SUCLG2: variants seen among roughly 807,000 people sequenced by gnomAD.
SUCLG2 encodes succinate-CoA ligase GDP-forming subunit beta.
In SUCLG2, 42 loss-of-function variants were observed where a neutral mutation model predicts 47.9. The ratio of observed to expected loss-of-function variants is 0.88; its 90% CI spans 0.69 to 1.14. The LOEUF (loss-of-function observed/expected upper bound fraction) is 1.14. Ranked by LOEUF, SUCLG2 falls within the 50% of genes most tolerant of loss-of-function variation. The pLI, the probability that SUCLG2 is intolerant of heterozygous loss-of-function variation, is 0.00. For missense variants in SUCLG2, 571 were observed against 525.9 expected (o/e 1.09, Z -0.84); for synonymous variants, 195 against 197.3 (o/e 0.99, Z 0.10).
intron 9 of SUCLG2, among the ~76,000 whole-genome samples, chr3:67,455,264 A>G (rs1704156708): frequency 1.3e-5 from 2 of 152,214 alleles, no homozygotes; most frequent in South Asian, 4.1e-4. Flanking sequence ...TAAGGCAAAA[A>G]GGACATTGTA....
chr3:67,481,626 C>G (rs1291133895), intron 9 of SUCLG2, among the ~76,000 whole-genome samples: 1 of 152,182 alleles, frequency 6.6e-6, no homozygotes, highest in Non-Finnish European at 1.5e-5. Flanking sequence ...CCTTCACAGA[C>G]AAATCTCAGT....
chr3:67,649,656 A>C (rs891195656), intron 1 of SUCLG2, among the ~76,000 whole-genome samples: 6 of 152,012 alleles, frequency 3.9e-5, no homozygotes, highest in Non-Finnish European at 7.4e-5. Flanking sequence ...CATCACCTCC[A>C]CCTTCCTCAC....
At chr3:67,403,871 T>G (rs925003999) in intron 9 of SUCLG2, among the ~76,000 whole-genome samples, 1 of 152,092 alleles carries the variant, frequency 6.6e-6, no homozygotes, top group African/African-American at 2.4e-5. Context: ...GATCCTCTTA[T>G]TTCTTCCTTT....
At chr3:67,390,920 A>G (rs989579493) in intron 10 of SUCLG2, among the ~76,000 whole-genome samples, 3 of 152,148 alleles carry the variant, frequency 2.0e-5, no homozygotes, top group African/African-American at 7.2e-5. Flanking sequence ...GCAAACTTCT[A>G]TGTCTCAGAT....
At chr3:67,547,904 C>T (rs796312167) in intron 2 of SUCLG2, among the ~76,000 whole-genome samples, 7 of 152,146 alleles carry the variant, frequency 4.6e-5, no homozygotes, top group Non-Finnish European at 7.3e-5. Flanking sequence ...ACACCCCTTA[C>T]ACCGCCTCCA....
intron 9 of SUCLG2, among the ~76,000 whole-genome samples, chr3:67,433,038 T>C (rs1003746756): frequency 6.6e-6 from 1 of 152,210 alleles, no homozygotes; most frequent in Admixed American, 6.5e-5. Context: ...TATCTTGTTA[T>C]GCTGTACTGT....
At chr3:67,383,037 CAG>C (rs1339800413) in intron 10 of SUCLG2, among the ~76,000 whole-genome samples, 1 of 152,126 alleles carries the variant, frequency 6.6e-6, no homozygotes, top group Admixed American at 6.5e-5. Context: ...ATGTCAGAAA[CAG>C]AATAATTCAT....
intron 9 of SUCLG2, among the ~76,000 whole-genome samples, chr3:67,455,832 G>A (rs76310656): frequency 4.6e-5 from 7 of 152,036 alleles, no homozygotes; most frequent in South Asian, 2.1e-4. Context: ...TTTCAATCCC[G>A]GCAAGAACAC....
intron 9 of SUCLG2, among the ~76,000 whole-genome samples, chr3:67,402,422 A>G (rs967049594): frequency 2.0e-5 from 3 of 152,246 alleles, no homozygotes; most frequent in African/African-American, 7.2e-5. Context: ...AATCAAAGAA[A>G]TGAACAATAT....
intron 1 of SUCLG2, among the ~76,000 whole-genome samples, chr3:67,634,968 A>C (rs1320553948): frequency 6.6e-6 from 1 of 152,210 alleles, no homozygotes; most frequent in Non-Finnish European, 1.5e-5. Flanking sequence ...CTCAACTGTA[A>C]AACAAGAATA....
chr3:67,390,759 A>T (rs1433111943), intron 10 of SUCLG2, among the ~76,000 whole-genome samples: 1 of 152,134 alleles, frequency 6.6e-6, no homozygotes, highest in African/African-American at 2.4e-5. Context: ...ACATTTATTG[A>T]CAGCTCTATA....
At chr3:67,420,993 GGT>G (rs1703144451) in intron 9 of SUCLG2, among the ~76,000 whole-genome samples, 1 of 151,988 alleles carries the variant, frequency 6.6e-6, no homozygotes, top group Non-Finnish European at 1.5e-5. Context: ...TTTTATTAAG[GGT>G]GTTAGTCTGT....
chr3:67,466,283 G>A (rs534367084), intron 9 of SUCLG2, among the ~76,000 whole-genome samples: 4 of 152,332 alleles, frequency 2.6e-5, no homozygotes, highest in Admixed American at 6.5e-5. Context: ...AACCTGGGAG[G>A]TAGAGGTTGC....
At chr3:67,528,939 A>G in intron 3 of SUCLG2, 148 bp downstream of exon 3, 1 of 557,404 alleles carries the variant, frequency 1.8e-6, no homozygotes, top group South Asian at 3.0e-5. Flanking sequence ...GCACTGCCAG[A>G]GCCCTCTACC....
At chr3:67,433,423 G>A (rs919156541) in intron 9 of SUCLG2, among the ~76,000 whole-genome samples, 1 of 152,180 alleles carries the variant, frequency 6.6e-6, no homozygotes, top group Non-Finnish European at 1.5e-5. Flanking sequence ...ACTTTCGGAT[G>A]TGAGCCGTGA....
intron 1 of SUCLG2, among the ~76,000 whole-genome samples, chr3:67,614,493 T>C (rs1700589160): frequency 1.3e-5 from 2 of 151,848 alleles, no homozygotes; most frequent in African/African-American, 4.8e-5. Context: ...AGATTCCTGC[T>C]GTTGTCCATC....
intron 1 of SUCLG2, among the ~76,000 whole-genome samples, chr3:67,619,837 G>A (rs1700702141): frequency 6.6e-6 from 1 of 152,096 alleles, no homozygotes. Flanking sequence ...ATAAACATTA[G>A]CATATTAGCA....
chr3:67,570,047 C>T (rs779812114), intron 2 of SUCLG2, among the ~76,000 whole-genome samples: 4 of 152,036 alleles, frequency 2.6e-5, no homozygotes, highest in African/African-American at 7.2e-5. Context: ...TAATCCAATA[C>T]GATGATGATG....
chr3:67,506,891 A>G (rs1298020524), intron 7 of SUCLG2, among the ~76,000 whole-genome samples: 2 of 152,216 alleles, frequency 1.3e-5, no homozygotes, highest in African/African-American at 4.8e-5. Context: ...AAATGGGAGA[A>G]AGTAGAAAAG....
Sources: allele counts gnomAD v4.1 joint callset (sites outside exome capture counted in the v4.1 genomes callset), GRCh38; gene constraint gnomAD v4.1.1; transcripts MANE v1.5; gene names NCBI Gene and HGNC (gene_info 2026-07-23, HGNC 2026-07-21).